Variants in SHROOM2 observed in about 807,000 individuals in gnomAD.
SHROOM2 encodes the protein protein Shroom2.
A neutral mutation model predicts 75.9 loss-of-function variants in SHROOM2; 33 were observed. The observed-to-expected ratio is 0.43, with a 90% CI of 0.33 to 0.58. SHROOM2 has a LOEUF of 0.58. Ranked by LOEUF, SHROOM2 falls within the 20% of genes least tolerant of loss-of-function variation. SHROOM2 has a pLI of 0.04. For synonymous variants in SHROOM2, 655 were observed against 663.6 expected (o/e 0.99, Z 0.20); for missense variants, 1,434 against 1,461.2 (o/e 0.98, Z 0.30).
chrX:9,885,979 G>T (rs959844806), intron 2 of SHROOM2, among the ~76,000 whole-genome samples: 1 of 108,261 alleles, frequency 9.2e-6, no homozygotes, highest in Non-Finnish European at 1.9e-5. Context: ...GCCACAATTC[G>T]TATAAGAACT....
chrX:9,899,318 AGT>A (rs1317162907), intron 5 of SHROOM2, among the ~76,000 whole-genome samples: 3 of 110,161 alleles, frequency 2.7e-5, no homozygotes, highest in Admixed American at 9.7e-5. Context: ...GCAGGCAGAG[AGT>A]GTGCGTCTCT....
At position 9,949,417 on chromosome X, in the gene SHROOM2, A is replaced by G; in HGVS notation, c.*2480A>G. 3.0e-6 allele frequency: 1 copy of G among 330,987 alleles called. No homozygotes were observed. Among genetic ancestry groups the G allele is most frequent in the Non-Finnish European group, 5.9e-6 (1 of 170,069 alleles). 27.3% of individuals were successfully genotyped at this position (330,987 alleles called of 1,213,427 possible). On this transcript the variant is annotated 3_prime_UTR_variant, in exon 10 of 10. Transcript: ENST00000380913. ...ACAGATCATCCTGCTTGACTGTAAC[A>G]AAATAAATAGTGTCTCTTCAAGTGA...
intron 1 of SHROOM2, among the ~76,000 whole-genome samples, chrX:9,802,558 C>T (rs1321234046): frequency 1.8e-5 from 2 of 111,581 alleles, no homozygotes; most frequent in African/African-American, 6.5e-5. Flanking sequence ...GTGGAATGCC[C>T]TCGGTGGCCC....
At chrX:9,792,008 AT>A (rs775313459) in intron 1 of SHROOM2, among the ~76,000 whole-genome samples, 48 of 239 alleles carry the variant, frequency 0.2, 4 homozygotes, top group Non-Finnish European at 0.31. Context: ...ATAGAATAGA[AT>A]AGAATAGAAT....
At chrX:9,897,240 G>A (rs1003361017) in intron 4 of SHROOM2, among the ~76,000 whole-genome samples, 1 of 111,827 alleles carries the variant, frequency 8.9e-6, no homozygotes, top group African/African-American at 3.3e-5. Context: ...ATTAAGGTGA[G>A]AGTTTTGATG....
chrX:9,945,027 TCCA>T (rs1360011363), intron 9 of SHROOM2, 114 bp downstream of exon 9: 1 of 727,011 alleles, frequency 1.4e-6, no homozygotes, highest in Non-Finnish European at 2.0e-6. Context: ...ACATGGCCTG[TCCA>T]CCTCCTCCTG....
intron 5 of SHROOM2, 67 bp from the exon 6 acceptor site, chrX:9,932,108 T>C (rs971570850): frequency 1.1e-5 from 11 of 995,629 alleles, no homozygotes; most frequent in Non-Finnish European, 1.5e-5. Flanking sequence ...AAGATCCAGG[T>C]CCAGTCCCTT....
At chrX:9,910,466 G>A (rs1328725995) in intron 5 of SHROOM2, among the ~76,000 whole-genome samples, 2 of 110,585 alleles carry the variant, frequency 1.8e-5, no homozygotes, top group Non-Finnish European at 3.8e-5. Context: ...AGCACTTTGG[G>A]AGGTTGAGGC....
Position 9,914,825 on chromosome X carries a change from G to C in SHROOM2, c.2891+16535G>C, listed in dbSNP as rs761355886. Among the ~76,000 whole-genome samples, 20 of 112,186 alleles carry C rather than the reference G, an allele frequency of 1.8e-4. No individual in the cohort carries two copies. In the South Asian group the frequency reaches 7.5e-3, roughly 42 times the overall value. ...CGTGGGGCAGCATGGCTGATTTTCA[G>C]TCTGGTGGGCTCCTGCGGACTAATG... On this transcript the variant is annotated intron_variant, in intron 5 of 9. Coordinates refer to ENST00000380913, the MANE Select transcript of SHROOM2 (RefSeq NM_001649.4).
At chrX:9,859,836 G>T (rs1357164617) in intron 1 of SHROOM2, among the ~76,000 whole-genome samples, 2 of 111,265 alleles carry the variant, frequency 1.8e-5, no homozygotes, top group Non-Finnish European at 3.8e-5. Context: ...CCCCTCACCT[G>T]ATCAAACTGC....
intron 5 of SHROOM2, among the ~76,000 whole-genome samples, chrX:9,921,597 C>G (rs926017764): frequency 8.9e-6 from 1 of 111,796 alleles, no homozygotes; most frequent in Non-Finnish European, 1.9e-5. Flanking sequence ...ACTTTGTGCC[C>G]TCTCACCAAT....
chrX:9,909,682 C>G (rs1182257840), intron 5 of SHROOM2, among the ~76,000 whole-genome samples: 4 of 112,352 alleles, frequency 3.6e-5, no homozygotes, highest in African/African-American at 1.3e-4. Context: ...TCAGACAGTT[C>G]CCAATTGAGA....
chrX:9,942,234 T>C (rs1179748755), intron 8 of SHROOM2, among the ~76,000 whole-genome samples: 1 of 111,842 alleles, frequency 8.9e-6, no homozygotes, highest in African/African-American at 3.3e-5. Context: ...CACAAACCAC[T>C]TTTCCTCTGC....
intron 1 of SHROOM2, among the ~76,000 whole-genome samples, chrX:9,838,268 G>A (rs2083959638): frequency 1.8e-5 from 2 of 109,885 alleles, no homozygotes; most frequent in South Asian, 7.9e-4. Context: ...CACCATGTTA[G>A]CCAGGATGGT....
At chrX:9,860,573 G>T (rs1421034048) in intron 1 of SHROOM2, among the ~76,000 whole-genome samples, 5 of 111,444 alleles carry the variant, frequency 4.5e-5, no homozygotes, top group Non-Finnish European at 5.7e-5. Context: ...ATAGGCATGT[G>T]CCACCATGCC....
chrX:9,899,662 A>G (rs188395112), intron 5 of SHROOM2, among the ~76,000 whole-genome samples: 1 of 112,494 alleles, frequency 8.9e-6, no homozygotes, highest in East Asian at 2.8e-4. Flanking sequence ...AAGTCTCTGC[A>G]GTTACTTAAC....
chrX:9,866,700 A>C (rs2084140785), intron 1 of SHROOM2, among the ~76,000 whole-genome samples: 1 of 111,608 alleles, frequency 9.0e-6, no homozygotes, highest in South Asian at 3.8e-4. Context: ...AGTCTTCCAG[A>C]AGCAGCTGCT....
In SHROOM2 at chrX:9,890,969, T is replaced by A; in HGVS notation, c.318-8T>A. The A allele has an allele frequency of 8.3e-7, 1 of 1,197,807 alleles. No individual in the cohort carries two copies. The highest frequency in any genetic ancestry group is 3.0e-5 in the East Asian group (1 of 33,203). On this transcript the variant is annotated splice_region_variant and splice_polypyrimidine_tract_variant and intron_variant, in intron 2 of 9. Transcript: ENST00000380913. The stretch of plus-strand genomic sequence containing the variant: ...CTGACCCCCCGCCTCCCCTGCGTTC[T>A]TTTCTAGGAGGAGCGAGCTGGGCTG...
intron 1 of SHROOM2, among the ~76,000 whole-genome samples, chrX:9,861,947 T>C (rs1293124589): frequency 9.0e-6 from 1 of 111,536 alleles, no homozygotes; most frequent in Non-Finnish European, 1.9e-5. Flanking sequence ...AGCCAGGATC[T>C]AGTTAGGAGA....
Sources: allele counts gnomAD v4.1 joint callset (sites outside exome capture counted in the v4.1 genomes callset), GRCh38; gene constraint gnomAD v4.1.1; transcripts MANE v1.5; gene names NCBI Gene and HGNC (gene_info 2026-07-23, HGNC 2026-07-21).